PIK3CD: variants seen among roughly 807,000 people sequenced by gnomAD.
PIK3CD encodes the protein phosphatidylinositol 4,5-bisphosphate 3-kinase catalytic subunit delta isoform.
Under a neutral mutation model 122.9 loss-of-function variants are expected in PIK3CD, and 20 were observed. The ratio of observed to expected loss-of-function variants is 0.16; its 90% CI spans 0.11 to 0.24. The LOEUF (loss-of-function observed/expected upper bound fraction) is 0.24. PIK3CD is among the 10% of genes least tolerant of loss of function. PIK3CD has a pLI of 1.00. For synonymous variants in PIK3CD, 596 were observed against 593.4 expected (o/e 1.00, Z -0.06); for missense variants, 787 against 1,406.3 (o/e 0.56, Z 7.04).
intron 2 of PIK3CD, among the ~76,000 whole-genome samples, chr1:9,705,133 A>G (rs1450928325): frequency 6.6e-6 from 1 of 152,152 alleles, no homozygotes; most frequent in African/African-American, 2.4e-5. Flanking sequence ...ATCATAAATC[A>G]TAAAGGCAAA....
chr1:9,685,425 C>A (rs1332494879), intron 1 of PIK3CD, among the ~76,000 whole-genome samples: 2 of 151,850 alleles, frequency 1.3e-5, no homozygotes, highest in Non-Finnish European at 2.9e-5. Context: ...GTGGCTCGAT[C>A]TGGGCTCACT....
the PIK3CD span, among the ~76,000 whole-genome samples, chr1:9,632,860 T>C: frequency 1.8e-5 from 2 of 111,944 alleles, no homozygotes; most frequent in Non-Finnish European, 4.0e-5. Flanking sequence ...GCAACCTGAT[T>C]CTTTTTTTTT....
At chr1:9,640,022 G>A in the PIK3CD span, among the ~76,000 whole-genome samples, 4 of 151,982 alleles carry the variant, frequency 2.6e-5, no homozygotes, top group Admixed American at 2.0e-4. Flanking sequence ...GATTACAGGT[G>A]GGAGCCACCG....
In PIK3CD at chr1:9,651,784, T is replaced by A. The variant is rs1190921505; in HGVS notation, c.-156T>A. 6.6e-6 allele frequency: 1 copy of A among 151,956 alleles called. No individual in the cohort carries two copies. The highest frequency in any genetic ancestry group is 6.6e-5 in the Admixed American group (1 of 15,246). The allele number at this position is 151,956 out of a possible 1,614,324, so 9.4% of individuals were successfully genotyped here. A position where few individuals can be genotyped will look rare whatever the true frequency, so the allele number is the denominator to read the frequency against. On this transcript the variant is annotated 5_prime_UTR_variant, in exon 1 of 24. Transcript: ENST00000377346. Reference sequence around the variant, plus strand: ...GGCCGCGAGCAGAGCCGCCCAGCCCTGCCAGCTGCGCCGGGACGGTAAGCG... The same window carrying A: ...GGCCGCGAGCAGAGCCGCCCAGCCCAGCCAGCTGCGCCGGGACGGTAAGCG...
rs2100958454 is a variant in PIK3CD, at chr1:9,720,972, C to G, written c.1689+63C>G. On this transcript the variant is annotated intron_variant, in intron 13 of 23. Coordinates refer to ENST00000377346, the MANE Select transcript of PIK3CD (RefSeq NM_005026.5). This position sits in a 1 kb window ranked among gnomAD's most constrained non-coding sequence, Gnocchi z 9.0. Reference sequence around the variant, plus strand: ...CAGACCACAGCCTCTGGCTACCCACCACCCTGACCCCGGCCAACCCCCACC... The same window carrying G: ...CAGACCACAGCCTCTGGCTACCCACGACCCTGACCCCGGCCAACCCCCACC... The G allele has an allele frequency of 6.6e-7, 1 of 1,516,936 alleles. No individual in the cohort carries two copies. Among genetic ancestry groups the G allele is most frequent in the Non-Finnish European group, 8.9e-7 (1 of 1,122,852 alleles). The allele number at this position is 1,516,936 out of a possible 1,614,324, so 94.0% of individuals were successfully genotyped here.
At chr1:9,654,204 G>A (rs1173346229) in intron 1 of PIK3CD, 2 of 1,367,080 alleles carry the variant, frequency 1.5e-6, no homozygotes, top group South Asian at 2.3e-5. Flanking sequence ...TCACTTAGAT[G>A]TTTCTGGAAT....
Position 9,710,646 on chromosome 1 carries a change from GAGAGAGAGAC to G in PIK3CD, c.141+52_141+61del, listed in dbSNP as rs770666278. Reference sequence around the variant, plus strand: ...ACCTTGGTGCTCAGAGAGAGAGAGAGAGAGAGAGACACAGATAGACAGACAGACAGACAGA... The same window carrying G: ...ACCTTGGTGCTCAGAGAGAGAGAGAGACAGATAGACAGACAGACAGACAGA... On this transcript the variant is annotated intron_variant, in intron 3 of 23. Transcript: ENST00000377346. The surrounding 1 kb of genome is among the most constrained non-coding windows in gnomAD (Gnocchi z 4.7). 3.6e-5 allele frequency: 57 copies of G among 1,599,926 alleles called. No homozygotes were observed. The highest frequency in any genetic ancestry group is 5.0e-5 in the Admixed American group (3 of 59,938).
chr1:9,727,280 G>A lies in PIK3CD; in HGVS notation c.*234G>A. ...CGGCGGTGCTGGGCCCCCCGAGGCT[G>A]CACCTGGCTCTCGGCTGAGGATTGT... On this transcript the variant is annotated 3_prime_UTR_variant, in exon 24 of 24. Coordinates refer to ENST00000377346, the MANE Select transcript of PIK3CD (RefSeq NM_005026.5). 3.5e-6 allele frequency: 2 copies of A among 569,672 alleles called. No individual in the cohort carries two copies. Among genetic ancestry groups the A allele is most frequent in the Non-Finnish European group, 3.1e-6 (1 of 318,474 alleles). 35.3% of individuals were successfully genotyped at this position (569,672 alleles called of 1,614,324 possible). A position where few individuals can be genotyped will look rare whatever the true frequency, so the allele number is the denominator to read the frequency against.
At chr1:9,705,802 A>G (rs1237746925) in intron 2 of PIK3CD, among the ~76,000 whole-genome samples, 1 of 152,238 alleles carries the variant, frequency 6.6e-6, no homozygotes, top group African/African-American at 2.4e-5. Flanking sequence ...AAAAATGAGT[A>G]AATTTGACAA....
At position 9,727,591 on chromosome 1, in the gene PIK3CD, T is replaced by C. The variant is rs1434924180; in HGVS notation, c.*545T>C. 1.3e-5 allele frequency: 3 copies of C among 229,310 alleles called. No homozygotes were observed. Among genetic ancestry groups the C allele is most frequent in the East Asian group, 1.4e-4 (2 of 14,674 alleles). 14.2% of individuals were successfully genotyped at this position (229,310 alleles called of 1,614,324 possible). A position where few individuals can be genotyped will look rare whatever the true frequency, so the allele number is the denominator to read the frequency against. Reference sequence around the variant, plus strand: ...TCTTGGGTACGAGAATTCCCTCATCTTTCTCTACTGTAAAGTGATTTTGTT... The same window carrying C: ...TCTTGGGTACGAGAATTCCCTCATCCTTCTCTACTGTAAAGTGATTTTGTT... On this transcript the variant is annotated 3_prime_UTR_variant, in exon 24 of 24. Transcript: ENST00000377346.
At position 9,720,689 on chromosome 1, in the gene PIK3CD, G is replaced by A. The variant is rs753042704; in HGVS notation, c.1521+28G>A. 2 of 1,554,362 alleles carry A rather than the reference G, an allele frequency of 1.3e-6. No individual in the cohort carries two copies. The highest frequency in any genetic ancestry group is 1.7e-6 in the Non-Finnish European group (2 of 1,152,232). The stretch of plus-strand genomic sequence containing the variant: ...GAGTGGGGTGGGGGTGTGGGGTGGG[G>A]GGCATGGAGCCGGCGTGGAACCAGA... On this transcript the variant is annotated intron_variant, in intron 12 of 23. Transcript: ENST00000377346. The surrounding 1 kb of genome is among the most constrained non-coding windows in gnomAD (Gnocchi z 9.0).
In PIK3CD at chr1:9,710,344, A is replaced by G; in HGVS notation, c.-32-80A>G. The G allele has an allele frequency of 3.5e-6, 4 of 1,154,576 alleles. No homozygotes were observed. Among genetic ancestry groups the G allele is most frequent in the Non-Finnish European group, 5.2e-6 (4 of 767,764 alleles). The allele number at this position is 1,154,576 out of a possible 1,614,324, so 71.5% of individuals were successfully genotyped here. On this transcript the variant is annotated intron_variant, in intron 2 of 23. Coordinates refer to ENST00000377346, the MANE Select transcript of PIK3CD (RefSeq NM_005026.5). The surrounding 1 kb of genome is among the most constrained non-coding windows in gnomAD (Gnocchi z 4.7). The stretch of plus-strand genomic sequence containing the variant: ...GAGCTTCCTGCTGTCCAAGGACCCC[A>G]CTGTTTTCCAGGGAGTCCCTTCCAA...
At chr1:9,655,230 C>G (rs1370716601) in intron 1 of PIK3CD, among the ~76,000 whole-genome samples, 1 of 152,022 alleles carries the variant, frequency 6.6e-6, no homozygotes, top group African/African-American at 2.4e-5. Flanking sequence ...TGGAGGATGG[C>G]AGAGCCTGGC....
chr1:9,633,484 T>C, the PIK3CD span, among the ~76,000 whole-genome samples: 1 of 152,094 alleles, frequency 6.6e-6, no homozygotes, highest in Non-Finnish European at 1.5e-5. Flanking sequence ...ATTTTTTGTA[T>C]TTTTAGTAGA....
At position 9,720,276 on chromosome 1, in the gene PIK3CD, G is replaced by A. The variant is rs1648313027; in HGVS notation, c.1470+34G>A. ...GGGCCCCGCCGCGTGAGGCTGAGGG[G>A]CTGGCGCGGAGCTCTCCTGGCCCTG... On this transcript the variant is annotated intron_variant, in intron 11 of 23. Transcript: ENST00000377346. This position sits in a 1 kb window ranked among gnomAD's most constrained non-coding sequence, Gnocchi z 9.0. The A allele has an allele frequency of 1.3e-6, 2 of 1,590,876 alleles. No homozygotes were observed. Among genetic ancestry groups the A allele is most frequent in the Non-Finnish European group, 1.7e-6 (2 of 1,165,228 alleles).
At chr1:9,648,478 T>C (rs570878181), upstream of PIK3CD, among the ~76,000 whole-genome samples, 10 of 152,198 alleles carry the variant, frequency 6.6e-5, no homozygotes, top group South Asian at 1.9e-3. Flanking sequence ...AGCAAAAGCA[T>C]GGTTAAGGCC....
intron 1 of PIK3CD, among the ~76,000 whole-genome samples, chr1:9,663,206 C>T (rs889270280): frequency 2.0e-5 from 3 of 152,220 alleles, no homozygotes; most frequent in African/African-American, 7.2e-5. Context: ...AGCGTCTATT[C>T]AAGACCCAGT....
In PIK3CD at chr1:9,716,432, C is replaced by T. The variant is rs1647461218; in HGVS notation, c.601-8C>T. Reference sequence around the variant, plus strand: ...AGGGCAGAGGACTGACCTCCCTCCTCCCCACAGGAGAGCTTCACCTTCCAG... The same window carrying T: ...AGGGCAGAGGACTGACCTCCCTCCTTCCCACAGGAGAGCTTCACCTTCCAG... On this transcript the variant is annotated splice_polypyrimidine_tract_variant and splice_region_variant and intron_variant, in intron 5 of 23. Coordinates refer to ENST00000377346, the MANE Select transcript of PIK3CD (RefSeq NM_005026.5). The T allele has an allele frequency of 1.2e-6, 2 of 1,610,864 alleles. No individual in the cohort carries two copies. The highest frequency in any genetic ancestry group is 1.7e-6 in the Non-Finnish European group (2 of 1,179,878).
chr1:9,671,205 T>C (rs532945462), intron 1 of PIK3CD, among the ~76,000 whole-genome samples: 1 of 152,212 alleles, frequency 6.6e-6, no homozygotes, highest in South Asian at 2.1e-4. Context: ...GCTCAAGCGA[T>C]CTTCCCACCG....
Sources: gnomAD v4.1 joint callset for allele counts (sites outside exome capture counted in the v4.1 genomes callset) on GRCh38, gnomAD v4.1.1 for gene constraint, Gnocchi (gnomAD v3.1) non-coding constraint, MANE v1.5 for transcripts, NCBI Gene and HGNC (gene_info 2026-07-23, HGNC 2026-07-21) for gene names.